RIN2: variants seen among roughly 807,000 people sequenced by gnomAD.
RIN2 encodes the protein Ras and Rab interactor 2.
Under a neutral mutation model 78.0 loss-of-function variants are expected in RIN2, and 36 were observed. That is an observed-to-expected ratio of 0.46 (90% confidence interval 0.35 to 0.61). RIN2 has a LOEUF of 0.61. Ranked by LOEUF, RIN2 falls within the 20% of genes least tolerant of loss-of-function variation. The pLI is 0.00. For missense variants in RIN2, 1,087 were observed against 1,159.7 expected (o/e 0.94, Z 0.91); for synonymous variants, 466 against 466.8 (o/e 1.00, Z 0.02).
At chr20:19,994,817 G>A (rs917014846) in intron 11 of RIN2, among the ~76,000 whole-genome samples, 1 of 152,088 alleles carries the variant, frequency 6.6e-6, no homozygotes, top group African/African-American at 2.4e-5. Flanking sequence ...GCGAATATTT[G>A]GTAAAGATCA....
At chr20:19,861,390 T>C (rs1177864688) in intron 2 of RIN2, among the ~76,000 whole-genome samples, 1 of 152,236 alleles carries the variant, frequency 6.6e-6, no homozygotes, top group Non-Finnish European at 1.5e-5. Flanking sequence ...GACGAAACTT[T>C]AGTCAGGCTC....
chr20:19,783,481 G>A (rs1225308252), intron 1 of RIN2, among the ~76,000 whole-genome samples: 1 of 121,576 alleles, frequency 8.2e-6, no homozygotes, highest in Non-Finnish European at 1.7e-5. Flanking sequence ...CCCAGCTGGG[G>A]CTGTCTCTGA....
Position 19,964,606 on chromosome 20 carries a change from C to G in RIN2, c.464-346C>G, listed in dbSNP as rs146553392. Among the ~76,000 whole-genome samples the G allele has an allele frequency of 9.3e-4, 142 of 152,240 alleles. No homozygotes were observed. In the Middle Eastern group the frequency reaches 0.017, roughly 18 times the overall value. ...AGTAGGGGTCTTGGTGTTCCCCAAG[C>G]CCTGTCCTGTGCTGATACAATCCAG... is the stretch of plus-strand genomic sequence containing the variant. On this transcript the variant is annotated intron_variant, in intron 6 of 12. Transcript: ENST00000255006.
intron 2 of RIN2, among the ~76,000 whole-genome samples, chr20:19,876,363 A>G (rs2037854713): frequency 6.6e-6 from 1 of 152,166 alleles, no homozygotes; most frequent in African/African-American, 2.4e-5. Context: ...CTCTCTGTGT[A>G]TACCCCAATG....
chr20:19,985,035 C>T (rs1416470174), intron 9 of RIN2, among the ~76,000 whole-genome samples: 2 of 152,220 alleles, frequency 1.3e-5, no homozygotes, highest in Admixed American at 6.5e-5. Flanking sequence ...GGGACTTGGC[C>T]TCCCCACGGC....
intron 2 of RIN2, chr20:19,889,092 C>A (rs2038324679): frequency 1.0e-6 from 1 of 982,990 alleles, no homozygotes; most frequent in Non-Finnish European, 1.2e-6. Flanking sequence ...CAGTGCCCTT[C>A]TGTTGACCTT....
intron 3 of RIN2, among the ~76,000 whole-genome samples, chr20:19,905,859 A>T (rs1448873994): frequency 6.6e-6 from 1 of 152,258 alleles, no homozygotes. Context: ...TATTGCCCCT[A>T]TATAATAATT....
intron 7 of RIN2, among the ~76,000 whole-genome samples, chr20:19,969,772 AAAC>A (rs2042047941): frequency 2.0e-5 from 1 of 49,944 alleles, no homozygotes; most frequent in Non-Finnish European, 3.3e-5. Flanking sequence ...GGAAAAAAAC[AAAC>A]AAACAAACAA....
intron 3 of RIN2, among the ~76,000 whole-genome samples, chr20:19,917,767 T>A (rs1334362278): frequency 6.6e-6 from 1 of 151,912 alleles, no homozygotes; most frequent in Non-Finnish European, 1.5e-5. Flanking sequence ...GAAATATGTT[T>A]TAAAGGCGGA....
At chr20:19,818,958 A>G (rs146484505) in intron 2 of RIN2, among the ~76,000 whole-genome samples, 1 of 152,252 alleles carries the variant, frequency 6.6e-6, no homozygotes, top group Admixed American at 6.5e-5. Flanking sequence ...TGTCCATGTT[A>G]TATTATCAAA....
chr20:19,955,622 C>G (rs1251558785), intron 4 of RIN2, among the ~76,000 whole-genome samples: 1 of 152,208 alleles, frequency 6.6e-6, no homozygotes. Context: ...TAGGCGTGAG[C>G]CACCACACTT....
intron 7 of RIN2, among the ~76,000 whole-genome samples, chr20:19,965,368 A>G (rs2041903357): frequency 6.6e-6 from 1 of 152,158 alleles, no homozygotes; most frequent in Non-Finnish European, 1.5e-5. Context: ...ACACACATGC[A>G]CACACATACA....
At chr20:19,808,126 C>T (rs1207030253) in intron 2 of RIN2, among the ~76,000 whole-genome samples, 8 of 152,216 alleles carry the variant, frequency 5.3e-5, no homozygotes, top group Admixed American at 5.2e-4. Flanking sequence ...TGAACCCAGA[C>T]GTTGATGCTA....
At chr20:19,823,936 G>C in intron 2 of RIN2, 1 of 1,543,246 alleles carries the variant, frequency 6.5e-7, no homozygotes. Context: ...GTCGAACTTC[G>C]GCAGCATGGT....
chr20:19,763,367 G>A (rs1314217877), intron 1 of RIN2, among the ~76,000 whole-genome samples: 1 of 151,558 alleles, frequency 6.6e-6, no homozygotes, highest in Non-Finnish European at 1.5e-5. Context: ...CAGCCTGGGT[G>A]ACAGAGCAAG....
chr20:19,983,595 T>C (rs1338179864), intron 9 of RIN2, among the ~76,000 whole-genome samples: 1 of 134,700 alleles, frequency 7.4e-6, no homozygotes. Context: ...TCTACTACTT[T>C]ACCTTTTTAA....
At chr20:19,849,606 C>T (rs902860107) in intron 2 of RIN2, among the ~76,000 whole-genome samples, 2 of 152,152 alleles carry the variant, frequency 1.3e-5, no homozygotes, top group Non-Finnish European at 2.9e-5. Flanking sequence ...CATGATGTCT[C>T]GGAAGCCTGG....
chr20:19,907,299 A>C (rs2123693770), intron 3 of RIN2, among the ~76,000 whole-genome samples: 1 of 152,312 alleles, frequency 6.6e-6, no homozygotes, highest in South Asian at 2.1e-4. Flanking sequence ...GTTGCATTGA[A>C]GATTAAGTTT....
intron 1 of RIN2, among the ~76,000 whole-genome samples, chr20:19,796,285 G>T (rs975690618): frequency 6.6e-6 from 1 of 152,170 alleles, no homozygotes; most frequent in Non-Finnish European, 1.5e-5. Context: ...CTTTTGGAAT[G>T]TCTGAAATCC....
Sources: allele counts gnomAD v4.1 joint callset (sites outside exome capture counted in the v4.1 genomes callset), GRCh38; gene constraint gnomAD v4.1.1; transcripts MANE v1.5; gene names NCBI Gene and HGNC (gene_info 2026-07-23, HGNC 2026-07-21).